Variants in NTNG1 observed in about 807,000 individuals in gnomAD.
The protein encoded by NTNG1 is netrin-G1.
In NTNG1, 16 loss-of-function variants were observed where a neutral mutation model predicts 54.0. That is an observed-to-expected ratio of 0.30 (90% CI 0.20 to 0.45). The LOEUF is 0.45. NTNG1 is among the 20% of genes least tolerant of loss of function. The probability of loss-of-function intolerance (pLI) is 1.00; values close to 1 mark genes in which losing one functional copy is unlikely to be tolerated. For synonymous variants in NTNG1, 255 were observed against 263.1 expected (o/e 0.97, Z 0.30); for missense variants, 530 against 678.7 (o/e 0.78, Z 2.43).
Position 107,356,514 on chromosome 1 carries a change from G to A in NTNG1, c.887+31592G>A, listed in dbSNP as rs535966938. Among the ~76,000 whole-genome samples the A allele has an allele frequency of 5.3e-5, 8 of 152,114 alleles. No homozygotes were observed. The South Asian group carries it at 1.5e-3, about 28-fold the overall frequency. On this transcript the variant is annotated intron_variant, in intron 3 of 7. Coordinates refer to ENST00000370068, the MANE Select transcript of NTNG1 (RefSeq NM_001113226.3). ...TTTCCACATTGGCCAGGCTGGTGTC[G>A]AACTCCTGGCCTCAAGTGATCTGCT...
intron 2 of NTNG1, among the ~76,000 whole-genome samples, chr1:107,172,044 G>A (rs1428280636): frequency 6.6e-6 from 1 of 151,932 alleles, no homozygotes; most frequent in Non-Finnish European, 1.5e-5. Flanking sequence ...TGACAATCTA[G>A]CATATATGCT....
rs1678823900 is a variant in NTNG1, at chr1:107,483,074, G to C, written c.*2234G>C. The C allele has an allele frequency of 6.6e-6, 1 of 152,190 alleles. No homozygotes were observed. The highest frequency in any genetic ancestry group is 2.4e-5 in the African/African-American group (1 of 41,462). The allele number at this position is 152,190 out of a possible 1,614,324, so 9.4% of individuals were successfully genotyped here. A position where few individuals can be genotyped will look rare whatever the true frequency, so the allele number is the denominator to read the frequency against. On this transcript the variant is annotated 3_prime_UTR_variant, in exon 8 of 8. Transcript: ENST00000370068. ...CACCAAAGAAACACATGAAAATGCT[G>C]ATAACATAGGGAGTTTGAGATTATT...
chr1:107,222,565 T>C (rs1030084341), intron 2 of NTNG1, among the ~76,000 whole-genome samples: 3 of 152,168 alleles, frequency 2.0e-5, no homozygotes, highest in Non-Finnish European at 4.4e-5. Context: ...GTAGTCACAA[T>C]TGGACCCCTT....
rs1034646863 is a variant in NTNG1, at chr1:107,266,871, A to G, written c.247-57411A>G. Among the ~76,000 whole-genome samples the G allele has an allele frequency of 3.3e-5, 5 of 152,152 alleles. No individual in the cohort carries two copies. The South Asian group carries it at 6.2e-4, about 19-fold the overall frequency. On this transcript the variant is annotated intron_variant, in intron 2 of 7. Transcript: ENST00000370068. ...CACTCCCTGAACATGTTCAGTGAAA[A>G]CTATTGGTTTATCTAAAGTTTTAAG...
intron 2 of NTNG1, among the ~76,000 whole-genome samples, chr1:107,183,098 A>G (rs1489274195): frequency 1.3e-5 from 2 of 152,184 alleles, no homozygotes; most frequent in African/African-American, 4.8e-5. Flanking sequence ...CTACTTCTTC[A>G]TGTCTCCCAG....
chr1:107,380,826 C>A (rs1159997990), intron 3 of NTNG1, among the ~76,000 whole-genome samples: 1 of 152,134 alleles, frequency 6.6e-6, no homozygotes, highest in Non-Finnish European at 1.5e-5. Flanking sequence ...AGCTCATAGT[C>A]CTGGTTCCTT....
intron 5 of NTNG1, among the ~76,000 whole-genome samples, chr1:107,426,389 C>T (rs191796324): frequency 1.8e-4 from 28 of 152,034 alleles, no homozygotes; most frequent in Admixed American, 2.6e-4. Context: ...CTGCATATTG[C>T]GAGCCAGTTT....
intron 2 of NTNG1, among the ~76,000 whole-genome samples, chr1:107,301,806 T>C (rs148746443): frequency 5.3e-5 from 8 of 152,286 alleles, no homozygotes; most frequent in African/African-American, 9.6e-5. Flanking sequence ...TTGGGAAATA[T>C]TAGGTTAAAA....
At chr1:107,280,852 A>C (rs1263949885) in intron 2 of NTNG1, among the ~76,000 whole-genome samples, 1 of 133,540 alleles carries the variant, frequency 7.5e-6, no homozygotes, top group Non-Finnish European at 1.6e-5. Flanking sequence ...CAGTCCTCTG[A>C]CTTATTTTAT....
intron 2 of NTNG1, among the ~76,000 whole-genome samples, chr1:107,184,362 A>G (rs931584130): frequency 3.3e-5 from 5 of 152,104 alleles, no homozygotes; most frequent in African/African-American, 4.8e-5. Context: ...TCAAAAGTCA[A>G]TTGTTGCCAG....
intron 3 of NTNG1, among the ~76,000 whole-genome samples, chr1:107,388,667 G>A (rs1672174767): frequency 6.6e-6 from 1 of 152,128 alleles, no homozygotes; most frequent in African/African-American, 2.4e-5. Flanking sequence ...ACTTATCCTG[G>A]CCTTACAGTA....
At position 107,409,671 on chromosome 1, in the gene NTNG1, AT is replaced by A. The variant is rs550634925; in HGVS notation, c.1087+1967del. The A allele has an allele frequency of 9.9e-5, 15 of 152,172 alleles. No homozygotes were observed. In the East Asian group the frequency reaches 2.9e-3, roughly 29 times the overall value. The allele number at this position is 152,172 out of a possible 1,614,324, so 9.4% of individuals were successfully genotyped here. Reference sequence around the variant, plus strand: ...TAAAAACCCTCTGACTAAAAGTGATATTTTGGACTCTCCCTTCAATATGCCT... The same window carrying A: ...TAAAAACCCTCTGACTAAAAGTGATATTTGGACTCTCCCTTCAATATGCCT... On this transcript the variant is annotated intron_variant, in intron 5 of 7. Transcript: ENST00000370068.
rs545161657 is a variant in NTNG1 at position 107,318,652 on chromosome 1, G to C, written c.247-5630G>C. Among the ~76,000 whole-genome samples the C allele has an allele frequency of 1.3e-3, 198 of 152,266 alleles. 1 individual carries two copies. Among genetic ancestry groups the C allele is most frequent in the African/African-American group, 4.6e-3 (193 of 41,560 alleles). Reference sequence around the variant, plus strand: ...GAGGGAAGAGGCATTACATTTGTGAGTGGAAAACATGAACAGAAACGTTTC... The same window carrying C: ...GAGGGAAGAGGCATTACATTTGTGACTGGAAAACATGAACAGAAACGTTTC... On this transcript the variant is annotated intron_variant, in intron 2 of 7. Transcript: ENST00000370068.
chr1:107,232,458 T>C (rs992390223), intron 2 of NTNG1, among the ~76,000 whole-genome samples: 1 of 152,202 alleles, frequency 6.6e-6, no homozygotes, highest in African/African-American at 2.4e-5. Context: ...CACTTACTAA[T>C]TGGTGTCACC....
intron 3 of NTNG1, among the ~76,000 whole-genome samples, chr1:107,366,260 A>G (rs539354987): frequency 1.3e-5 from 2 of 152,318 alleles, no homozygotes; most frequent in South Asian, 4.1e-4. Context: ...AAAGAGCACG[A>G]CACCAGCTGG....
intron 7 of NTNG1, among the ~76,000 whole-genome samples, chr1:107,448,815 C>G (rs940372168): frequency 6.6e-5 from 10 of 151,918 alleles, no homozygotes; most frequent in Admixed American, 5.9e-4. Context: ...TAAGAAAAAC[C>G]ATGAAAACTT....
In NTNG1 at chr1:107,171,708, C is replaced by T. The variant is rs577633525; in HGVS notation, c.246+22869C>T. Reference sequence around the variant, plus strand: ...CGCTCTAAAATCCATTTCTCTGCCCCTCACAGACATAACTGCCATCCACCC... The same window carrying T: ...CGCTCTAAAATCCATTTCTCTGCCCTTCACAGACATAACTGCCATCCACCC... On this transcript the variant is annotated intron_variant, in intron 2 of 7. Transcript: ENST00000370068. Among the ~76,000 whole-genome samples, 49 of 152,230 alleles carry T rather than the reference C, an allele frequency of 3.2e-4. 2 individuals are homozygous for T. The South Asian group carries it at 9.8e-3, about 30-fold the overall frequency.
chr1:107,295,550 T>C (rs1294978107), intron 2 of NTNG1, among the ~76,000 whole-genome samples: 2 of 152,126 alleles, frequency 1.3e-5, no homozygotes, highest in African/African-American at 4.8e-5. Flanking sequence ...TTAGGTCCGG[T>C]CCCCTCTTCT....
At chr1:107,292,116 C>T (rs1310844565) in intron 2 of NTNG1, among the ~76,000 whole-genome samples, 1 of 152,086 alleles carries the variant, frequency 6.6e-6, no homozygotes, top group Non-Finnish European at 1.5e-5. Context: ...AAACAAGATG[C>T]TTCCTGTTGA....
Sources: gnomAD v4.1 joint callset for allele counts (sites outside exome capture counted in the v4.1 genomes callset) on GRCh38, gnomAD v4.1.1 for gene constraint, MANE v1.5 for transcripts, NCBI Gene and HGNC (gene_info 2026-07-23, HGNC 2026-07-21) for gene names.